The following DNAH10 variants were observed in gnomAD, a reference collection of about 807,000 sequenced individuals.
DNAH10 encodes the protein axonemal beta dynein heavy chain 10.
In DNAH10, 348 loss-of-function variants were observed where a neutral mutation model predicts 506.6. The observed-to-expected ratio is 0.69, with a 90% CI of 0.63 to 0.75. The LOEUF (loss-of-function observed/expected upper bound fraction) is 0.75. Ranked by LOEUF, DNAH10 falls within the 30% of genes least tolerant of loss-of-function variation. DNAH10 has a pLI of 0.00. For synonymous variants in DNAH10, 2,059 were observed against 2,198.6 expected, an observed-to-expected ratio of 0.94 and a Z score of 1.78; for missense variants, 5,179 against 5,787.1, an observed-to-expected ratio of 0.89 and a Z score of 3.41.
chr12:123,820,554 C>T, intron 23 of DNAH10, 26 bp from the exon 24 acceptor site: 1 of 1,598,700 alleles, frequency 6.3e-7, no homozygotes, highest in Non-Finnish European at 8.5e-7. Context: ...TGTATTTATT[C>T]ACTCATCGGT....
intron 73 of DNAH10, among the ~76,000 whole-genome samples, chr12:123,930,951 G>GA (rs1490514808): frequency 6.6e-6 from 1 of 152,296 alleles, no homozygotes; most frequent in East Asian, 1.9e-4. Flanking sequence ...GGAAGGCCAA[G>GA]AAGGGCAGAT....
chr12:123,786,026 C>A, intron 9 of DNAH10, 90 bp downstream of exon 9: 5 of 1,324,748 alleles, frequency 3.8e-6, no homozygotes, highest in Non-Finnish European at 5.1e-6. Flanking sequence ...CTATAATTCA[C>A]ATATAATTCT....
chr12:123,829,709 C>CGTGT (rs138601397), intron 25 of DNAH10, among the ~76,000 whole-genome samples: 12 of 151,082 alleles, frequency 7.9e-5, no homozygotes, highest in African/African-American at 1.9e-4. Flanking sequence ...TTTCCATGGC[C>CGTGT]GTGTGTGTGT....
chr12:123,920,587 C>T (rs988313682), intron 65 of DNAH10, among the ~76,000 whole-genome samples: 1 of 152,208 alleles, frequency 6.6e-6, no homozygotes, highest in African/African-American at 2.4e-5. Flanking sequence ...AGACATAAGG[C>T]CATTATCATA....
Position 123,926,913 on chromosome 12 carries a change from A to G in DNAH10, c.12105+93A>G. On this transcript the variant is annotated intron_variant, in intron 69 of 78. Coordinates refer to ENST00000673944, the MANE Select transcript of DNAH10 (RefSeq NM_001372106.1). The surrounding 1 kb of genome is among the most constrained non-coding windows in gnomAD (Gnocchi z 4.1). ...CTAACCTGGGTTTAAGCTGAGTGCC[A>G]CGCCACAAATCAGTTGGATGCATTT... 1 of 1,403,536 alleles carries G rather than the reference A, an allele frequency of 7.1e-7. No homozygotes were observed. Among genetic ancestry groups the G allele is most frequent in the Non-Finnish European group, 9.6e-7 (1 of 1,036,358 alleles). 86.9% of individuals were successfully genotyped at this position (1,403,536 alleles called of 1,614,324 possible). A position where few individuals can be genotyped will look rare whatever the true frequency, so the allele number is the denominator to read the frequency against.
At chr12:123,834,492 G>A (rs1960925878) in intron 27 of DNAH10, among the ~76,000 whole-genome samples, 2 of 152,182 alleles carry the variant, frequency 1.3e-5, no homozygotes, top group Admixed American at 6.5e-5. Flanking sequence ...ATAGGCATGA[G>A]CCACTGTGTT....
At chr12:123,912,466 GTCTGTCCT>G in intron 59 of DNAH10, among the ~76,000 whole-genome samples, 5 of 74,116 alleles carry the variant, frequency 6.7e-5, no homozygotes, top group African/African-American at 2.3e-4. Flanking sequence ...GTCCTGGGGG[GTCTGTCCT>G]GGGGGGGGGT....
At chr12:123,896,733 AAAAAG>A (rs1362498582) in intron 54 of DNAH10, among the ~76,000 whole-genome samples, 7 of 151,984 alleles carry the variant, frequency 4.6e-5, no homozygotes, top group African/African-American at 1.7e-4. Flanking sequence ...AAAAAAAAAA[AAAAAG>A]AAGGATTAGC....
chr12:123,893,956 G>T (rs538360127), intron 53 of DNAH10, among the ~76,000 whole-genome samples: 1 of 152,122 alleles, frequency 6.6e-6, no homozygotes, highest in South Asian at 2.1e-4. Context: ...TGTCAATAGC[G>T]CCAAGGGTGA....
intron 18 of DNAH10, 118 bp from the exon 19 acceptor site, chr12:123,808,679 C>T (rs1293522752): frequency 3.8e-5 from 39 of 1,032,886 alleles, no homozygotes; most frequent in Non-Finnish European, 4.4e-6. Flanking sequence ...AGGACAGCCT[C>T]ACAGTGTGCC....
intron 39 of DNAH10, among the ~76,000 whole-genome samples, chr12:123,861,385 A>G (rs1028447478): frequency 1.3e-5 from 2 of 152,222 alleles, no homozygotes; most frequent in Non-Finnish European, 2.9e-5. Context: ...TGTGGTAGGT[A>G]CCGGGATTGT....
At position 123,835,483 on chromosome 12, in the gene DNAH10, G is replaced by A. The variant is rs368273514; in HGVS notation, c.4857G>A (p.Pro1619=). The change falls in exon 28 of 79, where the codon CCG becomes CCA. Residue 1619 remains proline (P), a synonymous_variant. Transcript: ENST00000673944. The part of the protein sequence containing the change: ...FIGGDIRSQL[P]EEAKKFDNID... ...GTGGAGATATAAGATCACAACTTCC[G>A]GAAGAGGCAAAAAAGTTTGACAACA... 40 of 1,607,834 alleles carry A rather than the reference G, an allele frequency of 2.5e-5. No homozygotes were observed. Among genetic ancestry groups the A allele is most frequent in the African/African-American group, 8.0e-5 (6 of 74,848 alleles).
chr12:123,833,365 C>T lies in DNAH10; in HGVS notation c.4779+18C>T, dbSNP rs1960784763. ...TCATTGAGGTGAGAGAAAAGATGAA[C>T]AAAAGATGGATTAGAGCCAGTGCAT... On this transcript the variant is annotated intron_variant, in intron 27 of 78. Transcript: ENST00000673944. The T allele has an allele frequency of 6.3e-7, 1 of 1,589,812 alleles. No homozygotes were observed. The highest frequency in any genetic ancestry group is 8.6e-7 in the Non-Finnish European group (1 of 1,164,254).
chr12:123,856,086 C>G (rs1251533790), intron 36 of DNAH10, among the ~76,000 whole-genome samples: 1 of 146,554 alleles, frequency 6.8e-6, no homozygotes, highest in Non-Finnish European at 1.5e-5. Context: ...ATATCTTATA[C>G]ATATTTTATA....
At chr12:123,862,433 C>A (rs1323891451) in intron 39 of DNAH10, among the ~76,000 whole-genome samples, 1 of 151,922 alleles carries the variant, frequency 6.6e-6, no homozygotes, top group African/African-American at 2.4e-5. Flanking sequence ...CTCTGTTGCC[C>A]AGGCTAAGTT....
chr12:123,893,478 G>A (rs1490525249), intron 53 of DNAH10, 42 bp downstream of exon 53: 1 of 1,608,884 alleles, frequency 6.2e-7, no homozygotes, highest in Non-Finnish European at 8.5e-7. Context: ...CCCTGCTTTG[G>A]CAGAGTGTGT....
intron 77 of DNAH10, 91 bp downstream of exon 77, chr12:123,933,602 G>C: frequency 7.1e-7 from 1 of 1,409,108 alleles, no homozygotes; most frequent in Middle Eastern, 1.9e-4. Context: ...CATAGCGTGG[G>C]CCTAAATGGG....
chr12:123,826,751 GA>G lies in DNAH10; in HGVS notation c.4246del (p.Ile1416LeufsTer20). The G allele has an allele frequency of 6.2e-7, 1 of 1,613,908 alleles. No individual in the cohort carries two copies. The highest frequency in any genetic ancestry group is 1.3e-5 in the African/African-American group (1 of 75,036). Reference protein sequence around the residue: ...INLNVQILQEGIEGFLRALRK... With the variant: ...INLNVQILQEXIEGFLRALRK... Reference sequence around the variant, plus strand: ...CTGAATGTGCAGATTCTCCAGGAAGGAATTGAAGGTTTTCTCAGGGCTCTCA... The same window carrying G: ...CTGAATGTGCAGATTCTCCAGGAAGGATTGAAGGTTTTCTCAGGGCTCTCA... On this transcript the variant is annotated frameshift_variant, in exon 25 of 79. Transcript: ENST00000673944. LOFTEE classifies it high-confidence loss of function.
At chr12:123,924,936 A>T (rs1337077417) in intron 67 of DNAH10, 114 bp from the exon 68 acceptor site, 38 of 1,411,700 alleles carry the variant, frequency 2.7e-5, no homozygotes, top group Non-Finnish European at 3.5e-5. Context: ...GCCTTCAGTT[A>T]GTACACCTAT....
Sources: gnomAD v4.1 joint callset for allele counts (sites outside exome capture counted in the v4.1 genomes callset) on GRCh38, gnomAD v4.1.1 for gene constraint, Gnocchi (gnomAD v3.1) non-coding constraint, MANE v1.5 for transcripts, NCBI Gene and HGNC (gene_info 2026-07-23, HGNC 2026-07-21) for gene names.